Variants in NSF observed in about 807,000 individuals in gnomAD.
NSF encodes vesicle-fusing ATPase.
NSF carries 14 observed loss-of-function variants against 50.3 expected under a neutral mutation model. The observed-to-expected ratio is 0.28, with a 90% CI of 0.18 to 0.44. NSF has a LOEUF of 0.44. NSF is among the 20% of genes least tolerant of loss of function. NSF has a pLI of 1.00. For synonymous variants in NSF, 109 were observed against 175.7 expected, an observed-to-expected ratio of 0.62 and a Z score of 3.00; for missense variants, 218 against 504.3, an observed-to-expected ratio of 0.43 and a Z score of 5.44.
intron 4 of NSF, among the ~76,000 whole-genome samples, chr17:46,635,816 T>TGTGTGTGTGC (rs1555669125): frequency 2.8e-5 from 4 of 140,608 alleles, no homozygotes; most frequent in Admixed American, 7.3e-5. Flanking sequence ...TGTGTGTGTG[T>TGTGTGTGTGC]GTGCTCGTGT....
At chr17:46,736,501 T>G (rs891908643) in intron 17 of NSF, among the ~76,000 whole-genome samples, 3 of 152,254 alleles carry the variant, frequency 2.0e-5, no homozygotes, top group Non-Finnish European at 2.9e-5. Flanking sequence ...CCTCTACTCC[T>G]TACCCTGTTA....
In NSF at chr17:46,751,487, T is replaced by C. The variant is rs2059181269; in HGVS notation, c.2044-16T>C. 1 of 1,594,000 alleles carries C rather than the reference T, an allele frequency of 6.3e-7. No homozygotes were observed. The stretch of plus-strand genomic sequence containing the variant: ...CACTGTAAAAGTGCTTTGATTATTG[T>C]TTATTGTTTTTGTAGCTTTTGGGCA... On this transcript the variant is annotated splice_polypyrimidine_tract_variant and intron_variant, in intron 18 of 20. Coordinates refer to ENST00000398238, the MANE Select transcript of NSF (RefSeq NM_006178.4).
intron 16 of NSF, 68 bp from the exon 17 acceptor site, chr17:46,728,787 A>C: frequency 8.5e-7 from 1 of 1,177,936 alleles, no homozygotes; most frequent in Non-Finnish European, 1.2e-6. Flanking sequence ...AAAAAAAAAC[A>C]AAAACTGAAT....
At chr17:46,720,901 G>A (rs536863250) in intron 15 of NSF, among the ~76,000 whole-genome samples, 109 of 152,288 alleles carry the variant, frequency 7.2e-4, no homozygotes, top group Non-Finnish European at 1.2e-3. Context: ...TTGTGATCCC[G>A]AAAGGCTGGG....
chr17:46,746,335 A>C (rs2059128712), intron 17 of NSF, among the ~76,000 whole-genome samples: 1 of 152,292 alleles, frequency 6.6e-6, no homozygotes, highest in South Asian at 2.1e-4. Context: ...TGTTTCTTTG[A>C]TCTGCATTGG....
intron 17 of NSF, among the ~76,000 whole-genome samples, chr17:46,745,380 C>T (rs1251290567): frequency 6.6e-6 from 1 of 152,166 alleles, no homozygotes; most frequent in Non-Finnish European, 1.5e-5. Flanking sequence ...CCCAAACTTG[C>T]CTGGGTCATG....
Position 46,609,887 on chromosome 17 carries a change from G to A in NSF, c.13-14357G>A, listed in dbSNP as rs532699777. ...GTCACCCAGTCTGGAATGCAGTGGC[G>A]TGATCAGGGCTCCCTGTAGCCTTGA... On this transcript the variant is annotated intron_variant, in intron 1 of 20. Coordinates refer to ENST00000398238, the MANE Select transcript of NSF (RefSeq NM_006178.4). Among the ~76,000 whole-genome samples the A allele has an allele frequency of 1.3e-4, 18 of 140,970 alleles. 1 individual carries two copies. Among genetic ancestry groups the A allele is most frequent in the Middle Eastern group, 3.9e-3 (1 of 258 alleles). The allele number at this position is 140,970 out of a possible 152,430, so 92.5% of individuals were successfully genotyped here. A position where few individuals can be genotyped will look rare whatever the true frequency, so the allele number is the denominator to read the frequency against.
intron 16 of NSF, 25 bp downstream of exon 16, chr17:46,726,640 A>G: frequency 6.2e-7 from 1 of 1,600,160 alleles, no homozygotes; most frequent in Non-Finnish European, 8.6e-7. Context: ...CTGCTGTTGT[A>G]TTATCTTTGC....
chr17:46,715,100 A>T (rs1412080481), intron 15 of NSF, among the ~76,000 whole-genome samples: 2 of 152,232 alleles, frequency 1.3e-5, no homozygotes, highest in Non-Finnish European at 2.9e-5. Flanking sequence ...CTTCAGATGG[A>T]TGGAGGAAGC....
chr17:46,730,505 A>G (rs2083417405), intron 17 of NSF, among the ~76,000 whole-genome samples: 2 of 152,160 alleles, frequency 1.3e-5, no homozygotes, highest in African/African-American at 2.4e-5. Context: ...GAAACTATTA[A>G]CGAATGATCT....
intron 9 of NSF, among the ~76,000 whole-genome samples, chr17:46,679,211 C>T (rs1324055332): frequency 6.6e-6 from 1 of 151,160 alleles, no homozygotes; most frequent in Non-Finnish European, 1.5e-5. Context: ...GAGGTGCTCC[C>T]AGGATGCTAG....
At chr17:46,727,702 C>G (rs2058905187) in intron 16 of NSF, among the ~76,000 whole-genome samples, 1 of 152,068 alleles carries the variant, frequency 6.6e-6, no homozygotes, top group South Asian at 2.1e-4. Context: ...TCTTTAAAAG[C>G]TTTTAGGCAC....
chr17:46,751,467 TA>T, intron 18 of NSF, 35 bp from the exon 19 acceptor site: 1 of 1,501,778 alleles, frequency 6.7e-7, no homozygotes, highest in Non-Finnish European at 9.3e-7. Context: ...GTGTTCACTG[TA>T]AAAGTGCTTT....
At position 46,721,711 on chromosome 17, in the gene NSF, C is replaced by T. The variant is rs947143480; in HGVS notation, c.1762-4838C>T. 3 of 1,606,850 alleles carry T rather than the reference C, an allele frequency of 1.9e-6. No homozygotes were observed. The African/African-American group carries it at 4.0e-5, about 22-fold the overall frequency. On this transcript the variant is annotated intron_variant, in intron 15 of 20. Transcript: ENST00000398238. ...CTTTGTCCAAATGAACCTTTATGAG[C>T]CGGCTGCTATCTAGTTTGACGGGGA...
At chr17:46,708,561 G>A (rs1415334752) in intron 13 of NSF, among the ~76,000 whole-genome samples, 4 of 141,734 alleles carry the variant, frequency 2.8e-5, no homozygotes, top group East Asian at 2.0e-4. Context: ...GCACAATCTC[G>A]GCTCACTGCA....
intron 1 of NSF, among the ~76,000 whole-genome samples, chr17:46,609,243 A>G (rs71258187): frequency 0.067 from 8,712 of 130,242 alleles, 1 homozygote; most frequent in Non-Finnish European, 0.1. Context: ...CGTACAATGT[A>G]TGCATTTTTG....
intron 13 of NSF, among the ~76,000 whole-genome samples, chr17:46,707,443 T>G (rs1421431551): frequency 2.6e-5 from 4 of 152,206 alleles, no homozygotes; most frequent in Admixed American, 6.5e-5. Context: ...GTATTAAGTA[T>G]ATTCATAATG....
intron 15 of NSF, among the ~76,000 whole-genome samples, chr17:46,714,187 C>T (rs2058745558): frequency 1.3e-5 from 2 of 152,114 alleles, no homozygotes; most frequent in African/African-American, 4.8e-5. Flanking sequence ...TATTGAGTAC[C>T]TTTACCTTCT....
intron 15 of NSF, among the ~76,000 whole-genome samples, chr17:46,716,349 C>T (rs1317063161): frequency 1.3e-5 from 2 of 151,908 alleles, no homozygotes; most frequent in African/African-American, 2.4e-5. Flanking sequence ...CTCCACCTCC[C>T]GGGTTCATGC....
Sources: allele counts gnomAD v4.1 joint callset (sites outside exome capture counted in the v4.1 genomes callset), GRCh38; gene constraint gnomAD v4.1.1; transcripts MANE v1.5; gene names NCBI Gene and HGNC (gene_info 2026-07-23, HGNC 2026-07-21).